Variants in MACROH2A2 observed in about 807,000 individuals in gnomAD.
The protein encoded by MACROH2A2 is core histone macro-H2A.2.
Under a neutral mutation model 37.6 loss-of-function variants are expected in MACROH2A2, and 6 were observed. The observed-to-expected ratio is 0.16, with a 90% confidence interval of 0.09 to 0.32. The LOEUF is 0.32. Ranked by LOEUF, MACROH2A2 falls within the 10% of genes least tolerant of loss-of-function variation. The pLI, the probability that MACROH2A2 is intolerant of heterozygous loss-of-function variation, is 1.00. For synonymous variants in MACROH2A2, 192 were observed against 202.7 expected (o/e 0.95, Z 0.45); for missense variants, 290 against 485.9 (o/e 0.60, Z 3.79).
chr10:70,110,358 T>C (rs2394654), intron 8 of MACROH2A2, among the ~76,000 whole-genome samples: 12,844 of 152,176 alleles, frequency 0.084, 669 homozygotes, highest in East Asian at 0.23. Context: ...GGAGTCACAA[T>C]GCTGAAATTA....
At chr10:70,055,997 A>G (rs1483005094) in intron 1 of MACROH2A2, among the ~76,000 whole-genome samples, 2 of 152,230 alleles carry the variant, frequency 1.3e-5, no homozygotes, top group Admixed American at 1.3e-4. Flanking sequence ...GATCACCAAG[A>G]TGTACTATTA....
chr10:70,095,599 T>C, intron 5 of MACROH2A2, 55 bp from the exon 6 acceptor site: 8 of 869,140 alleles, frequency 9.2e-6, no homozygotes, highest in Non-Finnish European at 1.6e-5. Context: ...AAATATGAGA[T>C]TTTTCAACAG....
At chr10:70,109,709 G>A (rs2072358821) in intron 8 of MACROH2A2, among the ~76,000 whole-genome samples, 1 of 152,178 alleles carries the variant, frequency 6.6e-6, no homozygotes, top group Non-Finnish European at 1.5e-5. Flanking sequence ...GAATTCCGTT[G>A]CTGCTCTGGG....
At chr10:70,076,896 A>G (rs935583390) in intron 2 of MACROH2A2, among the ~76,000 whole-genome samples, 11 of 151,924 alleles carry the variant, frequency 7.2e-5, no homozygotes, top group Non-Finnish European at 1.5e-4. Context: ...ATCGCCCACC[A>G]ACCAACATTT....
intron 1 of MACROH2A2, among the ~76,000 whole-genome samples, chr10:70,071,913 G>A (rs2072113302): frequency 1.3e-5 from 2 of 152,160 alleles, no homozygotes. Flanking sequence ...GAAGGCCCGG[G>A]ACATTATTGT....
chr10:70,109,783 C>T (rs1033773795), intron 8 of MACROH2A2, among the ~76,000 whole-genome samples: 15 of 152,232 alleles, frequency 9.9e-5, no homozygotes, highest in East Asian at 5.8e-4. Context: ...AATCTGTCCC[C>T]GAGTGATTGC....
chr10:70,070,848 T>G (rs1384058624), intron 1 of MACROH2A2, among the ~76,000 whole-genome samples: 2 of 152,196 alleles, frequency 1.3e-5, no homozygotes, highest in African/African-American at 2.4e-5. Flanking sequence ...ATACTCCTAG[T>G]CCTAAGTTCC....
At position 70,111,725 on chromosome 10, in the gene MACROH2A2, C is replaced by A; in HGVS notation, c.*42C>A. On this transcript the variant is annotated 3_prime_UTR_variant, in exon 9 of 9. Coordinates refer to ENST00000373255, the MANE Select transcript of MACROH2A2 (RefSeq NM_018649.3). ...CAGGGATCGGAGGACGACCCGAGTC[C>A]CAAGAGTGGGGTTTTGCTTTTTAAA... The A allele has an allele frequency of 1.3e-6, 2 of 1,511,334 alleles. No individual in the cohort carries two copies. Among genetic ancestry groups the A allele is most frequent in the Non-Finnish European group, 1.8e-6 (2 of 1,123,818 alleles). The allele number at this position is 1,511,334 out of a possible 1,614,324, so 93.6% of individuals were successfully genotyped here.
intron 6 of MACROH2A2, 90 bp downstream of exon 6, chr10:70,095,843 C>A (rs2072273189): frequency 1.4e-6 from 1 of 692,174 alleles, no homozygotes; most frequent in Non-Finnish European, 2.7e-6. Flanking sequence ...AACTGGCTGT[C>A]CCTCCGCTGG....
At chr10:70,100,564 T>C (rs531916171) in intron 7 of MACROH2A2, among the ~76,000 whole-genome samples, 1 of 152,270 alleles carries the variant, frequency 6.6e-6, no homozygotes, top group Non-Finnish European at 1.5e-5. Flanking sequence ...ACTTTGCATG[T>C]GTGTGATAAA....
intron 7 of MACROH2A2, among the ~76,000 whole-genome samples, 155 bp from the exon 8 acceptor site, chr10:70,108,878 G>A (rs1361504245): frequency 1.3e-5 from 2 of 152,162 alleles, no homozygotes; most frequent in African/African-American, 2.4e-5. Context: ...TCTTGCTCTC[G>A]TTAAACATAG....
intron 1 of MACROH2A2, among the ~76,000 whole-genome samples, chr10:70,062,068 CTAT>C (rs1383379676): frequency 4.6e-5 from 7 of 152,110 alleles, no homozygotes. Context: ...TGCTAACAAA[CTAT>C]TATTATTTTA....
intron 2 of MACROH2A2, among the ~76,000 whole-genome samples, chr10:70,083,579 G>A (rs1367050032): frequency 6.6e-6 from 1 of 151,964 alleles, no homozygotes; most frequent in Non-Finnish European, 1.5e-5. Context: ...GAAGGCTGGG[G>A]ACAACACAGT....
At chr10:70,106,037 T>A (rs1246798249) in intron 7 of MACROH2A2, among the ~76,000 whole-genome samples, 1 of 152,042 alleles carries the variant, frequency 6.6e-6, no homozygotes, top group Non-Finnish European at 1.5e-5. Context: ...TGTGGGAAAC[T>A]GAGGTGCTGT....
chr10:70,066,951 C>T (rs2072082862), intron 1 of MACROH2A2, among the ~76,000 whole-genome samples: 1 of 152,122 alleles, frequency 6.6e-6, no homozygotes, highest in Non-Finnish European at 1.5e-5. Context: ...GGTGATTTTG[C>T]TGTTTAGAAT....
intron 2 of MACROH2A2, among the ~76,000 whole-genome samples, chr10:70,080,577 A>T (rs903391142): frequency 6.6e-6 from 1 of 152,018 alleles, no homozygotes; most frequent in Admixed American, 6.6e-5. Context: ...CTCTACAAGA[A>T]ATTAAAAAAT....
At chr10:70,100,637 GA>G (rs1416702538) in intron 7 of MACROH2A2, among the ~76,000 whole-genome samples, 3 of 124,686 alleles carry the variant, frequency 2.4e-5, no homozygotes, top group African/African-American at 5.7e-5. Context: ...TTTTTTTTGA[GA>G]AAGAGTCTCA....
chr10:70,066,924 T>A (rs1388714875), intron 1 of MACROH2A2, among the ~76,000 whole-genome samples: 1 of 152,190 alleles, frequency 6.6e-6, no homozygotes, highest in South Asian at 2.1e-4. Flanking sequence ...GTTTTTCATA[T>A]GTTTGTGCTT....
intron 1 of MACROH2A2, among the ~76,000 whole-genome samples, chr10:70,066,881 C>G (rs957343486): frequency 3.9e-5 from 6 of 152,154 alleles, no homozygotes; most frequent in African/African-American, 1.4e-4. Context: ...ACAATGCAAT[C>G]AAGTGCCCTT....
Sources: gnomAD v4.1 joint callset for allele counts (sites outside exome capture counted in the v4.1 genomes callset) on GRCh38, gnomAD v4.1.1 for gene constraint, MANE v1.5 for transcripts, NCBI Gene and HGNC (gene_info 2026-07-23, HGNC 2026-07-21) for gene names.